Variants in ZNF536 observed in about 807,000 individuals in gnomAD.
ZNF536 encodes the protein zinc finger protein 536.
Under a neutral mutation model 84.5 loss-of-function variants are expected in ZNF536, and 13 were observed. That is an observed-to-expected ratio of 0.15 (90% confidence interval 0.10 to 0.24). The LOEUF is 0.24. Among genes scored for constraint, ZNF536 ranks in the 10% least tolerant of loss-of-function variants. The probability of loss-of-function intolerance (pLI) is 1.00; values close to 1 mark genes in which losing one functional copy is unlikely to be tolerated. For missense variants in ZNF536, 1,536 were observed against 1,747.5 expected (o/e 0.88, Z 2.16); for synonymous variants, 811 against 742.5 (o/e 1.09, Z -1.50).
intron 1 of ZNF536, among the ~76,000 whole-genome samples, chr19:30,685,747 G>A (rs577979344): frequency 1.3e-5 from 2 of 152,136 alleles, no homozygotes; most frequent in Admixed American, 6.5e-5. Context: ...TGGGGGCACC[G>A]TCCCAGCCGC....
intron 1 of ZNF536, among the ~76,000 whole-genome samples, chr19:30,611,550 A>G (rs1269512436): frequency 6.6e-6 from 1 of 152,352 alleles, no homozygotes; most frequent in East Asian, 1.9e-4. Context: ...ATGTATAAAG[A>G]GCTTTGACTG....
intron 1 of ZNF536, among the ~76,000 whole-genome samples, chr19:30,577,126 T>C (rs4427926): frequency 0.026 from 3,884 of 152,312 alleles, 165 homozygotes; most frequent in African/African-American, 0.089. Context: ...TTATTGTGCA[T>C]GTTTTTTTCT....
chr19:30,369,814 A>G (rs4805556), upstream of ZNF536, among the ~76,000 whole-genome samples: 144,555 of 152,206 alleles, frequency 0.95, 68,734 homozygotes, highest in African/African-American at 0.97. Context: ...CCACTTTTAG[A>G]TTAAGAGAAA....
chr19:30,548,740 T>G lies in ZNF536; in HGVS notation c.3121T>G (p.Cys1041Gly), dbSNP rs780814352. The change falls in exon 4 of 5, where the codon TGC becomes GGC. Residue 1041 changes from cysteine (C) to glycine (G), a missense_variant. By Grantham distance (159) the Cys-to-Gly change is radical. Around this residue, in one of 8 missense-constraint regions of ZNF536, gnomAD observed 624 missense variants for 603.1 expected, o/e 1.03. Transcript: ENST00000355537. ...TAACACCATCGGGGTCACAGTCAAC[T>G]GCAAAGACCAAGCCCGGGAGGCGAG... Reference protein sequence around the residue: ...KDNTIGVTVNCKDQAREASKM... With the variant: ...KDNTIGVTVNGKDQAREASKM... 2 of 1,613,970 alleles carry G rather than the reference T, an allele frequency of 1.2e-6. No homozygotes were observed. Among genetic ancestry groups the G allele is most frequent in the East Asian group, 4.5e-5 (2 of 44,864 alleles).
At chr19:30,632,061 C>T (rs2048907121) in intron 1 of ZNF536, among the ~76,000 whole-genome samples, 1 of 152,222 alleles carries the variant, frequency 6.6e-6, no homozygotes. Flanking sequence ...CGTTCTTCTC[C>T]TGGTGGGGGT....
intron 2 of ZNF536, among the ~76,000 whole-genome samples, chr19:30,504,526 C>T (rs1449606349): frequency 7.5e-6 from 1 of 134,010 alleles, no homozygotes; most frequent in Non-Finnish European, 1.6e-5. Flanking sequence ...CTCCTCCTGC[C>T]CCCCTCTGAC....
chr19:30,664,609 G>A (rs752577049), intron 1 of ZNF536, among the ~76,000 whole-genome samples: 1 of 152,152 alleles, frequency 6.6e-6, no homozygotes, highest in Non-Finnish European at 1.5e-5. Flanking sequence ...GGTGGGATCT[G>A]TGAAAGGCAT....
intron 3 of ZNF536, among the ~76,000 whole-genome samples, chr19:30,367,186 C>G (rs903995389): frequency 2.0e-5 from 3 of 152,170 alleles, no homozygotes; most frequent in African/African-American, 7.2e-5. Flanking sequence ...CCGCCACATC[C>G]CTTCTGCTGG....
At chr19:30,295,549 C>T (rs2045970630) in intron 2 of ZNF536, among the ~76,000 whole-genome samples, 1 of 152,156 alleles carries the variant, frequency 6.6e-6, no homozygotes, top group Non-Finnish European at 1.5e-5. Flanking sequence ...GTTTCTGCGG[C>T]CCCAGGGACT....
At chr19:30,531,053 C>T (rs1195253072) in intron 2 of ZNF536, among the ~76,000 whole-genome samples, 1 of 152,152 alleles carries the variant, frequency 6.6e-6, no homozygotes, top group African/African-American at 2.4e-5. Flanking sequence ...CCACGATAGC[C>T]CTTCATCTTC....
chr19:30,622,198 C>T (rs180906888), intron 1 of ZNF536, among the ~76,000 whole-genome samples: 21 of 152,284 alleles, frequency 1.4e-4, no homozygotes, highest in African/African-American at 4.3e-4. Flanking sequence ...ATTTGCTGTA[C>T]ATAAAAGCTC....
intron 1 of ZNF536, among the ~76,000 whole-genome samples, chr19:30,410,757 C>T (rs1299666244): frequency 4.6e-5 from 7 of 151,950 alleles, no homozygotes; most frequent in Admixed American, 4.6e-4. Context: ...GGATTACAGG[C>T]GTGAGCCACC....
At chr19:30,350,204 T>C (rs2047890176) in intron 2 of ZNF536, among the ~76,000 whole-genome samples, 1 of 152,240 alleles carries the variant, frequency 6.6e-6, no homozygotes, top group African/African-American at 2.4e-5. Flanking sequence ...TATTTGCATG[T>C]TATCAGATAC....
intron 3 of ZNF536, among the ~76,000 whole-genome samples, chr19:30,356,942 C>T (rs1395388789): frequency 2.6e-5 from 4 of 152,214 alleles, no homozygotes; most frequent in African/African-American, 9.6e-5. Context: ...TGCCTCAAAC[C>T]TGGTGGTTCG....
rs1393200632 is a variant in ZNF536 at position 30,228,768 on chromosome 19, C to A, written c.-190+95C>A. ...GCTGCGCGCCGCCCCGGGCCGGCCT[C>A]GCGTGTGGGCGGCTGGGCGGCTGGG... is the stretch of plus-strand genomic sequence containing the variant. On this transcript the variant is annotated intron_variant, in intron 1 of 5. Transcript: ENST00000585628. This position sits in a 1 kb window ranked among gnomAD's most constrained non-coding sequence, Gnocchi z 4.5. 1 of 150,480 alleles carries A rather than the reference C, an allele frequency of 6.6e-6. No homozygotes were observed. The highest frequency in any genetic ancestry group is 2.5e-5 in the African/African-American group (1 of 40,722). 9.3% of individuals were successfully genotyped at this position (150,480 alleles called of 1,614,324 possible). A position where few individuals can be genotyped will look rare whatever the true frequency, so the allele number is the denominator to read the frequency against.
chr19:30,409,287 G>A (rs1345085882), intron 1 of ZNF536, among the ~76,000 whole-genome samples: 1 of 152,222 alleles, frequency 6.6e-6, no homozygotes. Flanking sequence ...AACTTGGAGA[G>A]TGTATTTCCT....
At chr19:30,331,798 T>G (rs1193411761) in intron 2 of ZNF536, among the ~76,000 whole-genome samples, 1 of 152,128 alleles carries the variant, frequency 6.6e-6, no homozygotes, top group African/African-American at 2.4e-5. Context: ...CAATCATTGG[T>G]GTGCTCACCC....
chr19:30,676,517 T>C (rs2050758175), intron 1 of ZNF536, among the ~76,000 whole-genome samples: 1 of 152,254 alleles, frequency 6.6e-6, no homozygotes, highest in Non-Finnish European at 1.5e-5. Flanking sequence ...AGTTAATAAG[T>C]GAAGGTAACA....
chr19:30,475,089 T>A (rs1014477143), intron 2 of ZNF536, among the ~76,000 whole-genome samples: 12 of 152,204 alleles, frequency 7.9e-5, no homozygotes, highest in African/African-American at 2.9e-4. Flanking sequence ...GTTGTTTGGT[T>A]TTTTATTTTG....
Sources: allele counts gnomAD v4.1 joint callset (sites outside exome capture counted in the v4.1 genomes callset), GRCh38; gene constraint gnomAD v4.1.1; regional missense constraint gnomAD v4.1.1; non-coding constraint Gnocchi (gnomAD v3.1); transcripts MANE v1.5; gene names NCBI Gene and HGNC (gene_info 2026-07-23, HGNC 2026-07-21).